The following NEDD4L variants were observed in gnomAD, a reference collection of about 807,000 sequenced individuals.
NEDD4L encodes the protein E3 ubiquitin-protein ligase NEDD4-like.
In NEDD4L, 54 loss-of-function variants were observed where a neutral mutation model predicts 148.9. The observed-to-expected ratio is 0.36, with a 90% confidence interval of 0.29 to 0.45. NEDD4L has a LOEUF of 0.45. Among genes scored for constraint, NEDD4L ranks in the 20% least tolerant of loss-of-function variants. NEDD4L has a pLI of 1.00. For synonymous variants in NEDD4L, 433 were observed against 440.7 expected, an observed-to-expected ratio of 0.98 and a Z score of 0.22; for missense variants, 856 against 1,233.8, an observed-to-expected ratio of 0.69 and a Z score of 4.59.
intron 25 of NEDD4L, among the ~76,000 whole-genome samples, chr18:58,384,422 C>T (rs2048739986): frequency 6.6e-6 from 1 of 152,200 alleles, no homozygotes; most frequent in African/African-American, 2.4e-5. Context: ...TGAATATGAA[C>T]AATCTTAGCT....
intron 16 of NEDD4L, among the ~76,000 whole-genome samples, chr18:58,349,155 C>A (rs1450473833): frequency 6.6e-6 from 1 of 152,088 alleles, no homozygotes; most frequent in South Asian, 2.1e-4. Flanking sequence ...GAGCTCGGGA[C>A]CCATGGAGAG....
intron 16 of NEDD4L, 100 bp from the exon 17 acceptor site, chr18:58,349,437 C>CTGG: frequency 2.2e-6 from 2 of 896,032 alleles, no homozygotes; most frequent in Non-Finnish European, 1.8e-6. Context: ...CATGGACAGC[C>CTGG]TGGTTGCCTT....
intron 25 of NEDD4L, among the ~76,000 whole-genome samples, chr18:58,384,058 G>T (rs188250812): frequency 6.6e-6 from 1 of 152,246 alleles, no homozygotes; most frequent in East Asian, 1.9e-4. Context: ...CTTGTGGGTC[G>T]CCACAGTGGC....
intron 16 of NEDD4L, among the ~76,000 whole-genome samples, chr18:58,345,858 C>T (rs2042975164): frequency 6.6e-6 from 1 of 151,922 alleles, no homozygotes; most frequent in Non-Finnish European, 1.5e-5. Flanking sequence ...TCTCTTGCCT[C>T]AGCCTCCTGA....
intron 19 of NEDD4L, chr18:58,357,588 T>C (rs762026008): frequency 3.1e-4 from 142 of 463,594 alleles, no homozygotes; most frequent in Non-Finnish European, 4.9e-4. Flanking sequence ...CCTATCTTCA[T>C]AAAGTGTTAT....
At chr18:58,088,078 T>A (rs918432995) in intron 1 of NEDD4L, among the ~76,000 whole-genome samples, 2 of 152,228 alleles carry the variant, frequency 1.3e-5, no homozygotes, top group Non-Finnish European at 2.9e-5. Context: ...GTGCCGTTGC[T>A]GGCAGGAAGC....
At chr18:58,308,510 A>T (rs2057316886) in intron 5 of NEDD4L, among the ~76,000 whole-genome samples, 1 of 152,248 alleles carries the variant, frequency 6.6e-6, no homozygotes, top group South Asian at 2.1e-4. Context: ...GAAAAGGTAC[A>T]ACATTGAAGA....
chr18:58,201,057 G>C (rs1457964530), intron 2 of NEDD4L, among the ~76,000 whole-genome samples: 2 of 152,210 alleles, frequency 1.3e-5, no homozygotes, highest in Non-Finnish European at 2.9e-5. Context: ...GATTAGGCTG[G>C]TGCATTGGCT....
intron 1 of NEDD4L, among the ~76,000 whole-genome samples, chr18:58,125,574 C>T (rs2030918139): frequency 6.6e-6 from 1 of 152,142 alleles, no homozygotes; most frequent in Non-Finnish European, 1.5e-5. Flanking sequence ...CCTCTGAGCC[C>T]TTATATGATC....
In NEDD4L at chr18:58,155,314, TAA is replaced by T. The variant is rs561916350; in HGVS notation, c.49-10460_49-10459del. Among the ~76,000 whole-genome samples, 185 of 136,286 alleles carry T rather than the reference TAA, an allele frequency of 1.4e-3. 1 individual carries two copies. Among genetic ancestry groups the T allele is most frequent in the African/African-American group, 4.6e-3 (169 of 37,024 alleles). The allele number at this position is 136,286 out of a possible 152,430, so 89.4% of individuals were successfully genotyped here. On this transcript the variant is annotated intron_variant, in intron 1 of 30. Coordinates refer to ENST00000400345, the MANE Select transcript of NEDD4L (RefSeq NM_001144967.3). ...AATTTGACTTTGATAGTTTTAAGTT[TAA>T]AAAAAAAAAAAAACGCTCCAAGTTA...
chr18:58,175,610 A>C (rs1330951884), intron 2 of NEDD4L, among the ~76,000 whole-genome samples: 1 of 152,244 alleles, frequency 6.6e-6, no homozygotes, highest in Non-Finnish European at 1.5e-5. Context: ...CCTTGGGCCA[A>C]AAAGTGTTTG....
At chr18:58,278,683 C>G (rs1344630954) in intron 5 of NEDD4L, among the ~76,000 whole-genome samples, 1 of 152,142 alleles carries the variant, frequency 6.6e-6, no homozygotes, top group Non-Finnish European at 1.5e-5. Flanking sequence ...CTATCAGTCC[C>G]TCATGTACAG....
At chr18:58,220,959 C>T (rs1279582050) in intron 2 of NEDD4L, among the ~76,000 whole-genome samples, 1 of 152,168 alleles carries the variant, frequency 6.6e-6, no homozygotes, top group Non-Finnish European at 1.5e-5. Flanking sequence ...CACCTAAGGG[C>T]ACACAACTGG....
chr18:58,303,169 A>G (rs1030440804), intron 5 of NEDD4L, among the ~76,000 whole-genome samples: 1 of 152,212 alleles, frequency 6.6e-6, no homozygotes, highest in Non-Finnish European at 1.5e-5. Context: ...CCATGTACAC[A>G]GTGATTCTTG....
chr18:58,336,627 A>G (rs1482961953), intron 13 of NEDD4L, among the ~76,000 whole-genome samples: 2 of 152,186 alleles, frequency 1.3e-5, no homozygotes, highest in East Asian at 3.8e-4. Context: ...GTATTTTGCT[A>G]TAACTGCTCA....
chr18:58,218,216 C>T (rs2043349755), intron 2 of NEDD4L, among the ~76,000 whole-genome samples: 1 of 152,096 alleles, frequency 6.6e-6, no homozygotes, highest in South Asian at 2.1e-4. Flanking sequence ...CAAGCTGATC[C>T]ATTGTGACCC....
intron 1 of NEDD4L, among the ~76,000 whole-genome samples, chr18:58,080,967 C>G (rs56114061): frequency 1.3e-5 from 2 of 151,948 alleles, no homozygotes; most frequent in African/African-American, 2.4e-5. Flanking sequence ...ATGTGAGGGC[C>G]GGAGTCCTCA....
chr18:58,050,200 T>A (rs766051744), intron 1 of NEDD4L, among the ~76,000 whole-genome samples: 20 of 152,074 alleles, frequency 1.3e-4, no homozygotes, highest in South Asian at 4.1e-4. Context: ...ACATCTGTAA[T>A]CCCAGCACGT....
At chr18:58,167,023 T>C (rs143633942) in intron 2 of NEDD4L, among the ~76,000 whole-genome samples, 4 of 152,326 alleles carry the variant, frequency 2.6e-5, no homozygotes, top group Admixed American at 1.3e-4. Context: ...GTTAAGTTAC[T>C]AAAATGGCAC....
Sources: gnomAD v4.1 joint callset for allele counts (sites outside exome capture counted in the v4.1 genomes callset) on GRCh38, gnomAD v4.1.1 for gene constraint, MANE v1.5 for transcripts, NCBI Gene and HGNC (gene_info 2026-07-23, HGNC 2026-07-21) for gene names.